ARHGEF38: variants seen among roughly 807,000 people sequenced by gnomAD.
ARHGEF38 encodes Rho guanine nucleotide exchange factor 38.
In ARHGEF38, 79 loss-of-function variants were observed where a neutral mutation model predicts 79.9. The observed-to-expected ratio is 0.99, with a 90% CI of 0.82 to 1.19. ARHGEF38 has a LOEUF of 1.19. Ranked by LOEUF, ARHGEF38 falls within the 50% of genes most tolerant of loss-of-function variation. ARHGEF38 has a pLI of 0.00. For missense variants in ARHGEF38, 962 were observed against 907.2 expected (o/e 1.06, Z -0.78); for synonymous variants, 366 against 328.3 (o/e 1.11, Z -1.24).
At chr4:105,673,954 G>C (rs920984843) in intron 13 of ARHGEF38, among the ~76,000 whole-genome samples, 4 of 152,118 alleles carry the variant, frequency 2.6e-5, no homozygotes, top group African/African-American at 9.7e-5. Context: ...TACATATAAT[G>C]TACCATAAAT....
At chr4:105,647,505 T>C (rs1729899614) in intron 6 of ARHGEF38, among the ~76,000 whole-genome samples, 1 of 152,210 alleles carries the variant, frequency 6.6e-6, no homozygotes, top group African/African-American at 2.4e-5. Flanking sequence ...AATACCTTGC[T>C]GTTAGAAAAA....
At chr4:105,559,798 T>C (rs1057237204) in intron 1 of ARHGEF38, among the ~76,000 whole-genome samples, 1 of 152,082 alleles carries the variant, frequency 6.6e-6, no homozygotes, top group Non-Finnish European at 1.5e-5. Flanking sequence ...CCTTCTTCTA[T>C]ACTAGGTTGT....
At chr4:105,608,462 A>G (rs1370042878) in intron 2 of ARHGEF38, among the ~76,000 whole-genome samples, 3 of 151,848 alleles carry the variant, frequency 2.0e-5, no homozygotes, top group Non-Finnish European at 4.4e-5. Flanking sequence ...TTGTACATAT[A>G]TGCAGGGTAC....
Position 105,648,660 on chromosome 4 carries a change from T to C in ARHGEF38, c.986T>C (p.Ile329Thr), listed in dbSNP as rs1000759140. The change falls in exon 7 of 14, where the codon ATT (isoleucine) becomes ACT (threonine). Residue 329 changes from isoleucine (I) to threonine (T), a missense_variant. Ile to Thr is a moderately conservative substitution (Grantham distance 89). Coordinates refer to ENST00000420470, the MANE Select transcript of ARHGEF38 (RefSeq NM_001242729.2). ...KSKRVTNHLK[I>T]LTRGESQVKD... ...AAAAGAGTGACAAATCATCTGAAGA[T>C]TCTGACCAGAGGAGAATCACAGGTA... 1.3e-6 allele frequency: 2 copies of C among 1,530,368 alleles called. No individual in the cohort carries two copies. Among genetic ancestry groups the C allele is most frequent in the Non-Finnish European group, 1.7e-6 (2 of 1,144,868 alleles). The allele number at this position is 1,530,368 out of a possible 1,614,324, so 94.8% of individuals were successfully genotyped here. A position where few individuals can be genotyped will look rare whatever the true frequency, so the allele number is the denominator to read the frequency against.
chr4:105,607,459 TG>T (rs1288040692), intron 2 of ARHGEF38, among the ~76,000 whole-genome samples: 1 of 152,102 alleles, frequency 6.6e-6, no homozygotes, highest in Admixed American at 6.6e-5. Flanking sequence ...AAACTTTTAC[TG>T]AGTAACTCTG....
At chr4:105,662,466 G>A (rs1409723329) in intron 10 of ARHGEF38, among the ~76,000 whole-genome samples, 1 of 151,922 alleles carries the variant, frequency 6.6e-6, no homozygotes, top group Admixed American at 6.6e-5. Context: ...TCTTATAAAG[G>A]ACTTCCATAT....
At chr4:105,581,878 T>C (rs1294471740) in intron 1 of ARHGEF38, among the ~76,000 whole-genome samples, 1 of 151,990 alleles carries the variant, frequency 6.6e-6, no homozygotes, top group African/African-American at 2.4e-5. Context: ...AATCTCGTAT[T>C]CCTATGGCCG....
chr4:105,643,959 C>T (rs1729729266), intron 5 of ARHGEF38, among the ~76,000 whole-genome samples: 1 of 150,900 alleles, frequency 6.6e-6, no homozygotes, highest in Non-Finnish European at 1.5e-5. Flanking sequence ...CTCGACCTCC[C>T]CAGCTTAAGC....
chr4:105,652,954 A>T (rs985124087), intron 7 of ARHGEF38, among the ~76,000 whole-genome samples: 40 of 152,206 alleles, frequency 2.6e-4, no homozygotes, highest in African/African-American at 9.7e-4. Flanking sequence ...AAAACAGATG[A>T]ACCAAGCACT....
intron 5 of ARHGEF38, among the ~76,000 whole-genome samples, chr4:105,637,782 C>T (rs114340520): frequency 3.9e-4 from 60 of 152,236 alleles, no homozygotes; most frequent in African/African-American, 1.3e-3. Context: ...CTTCTTAGTA[C>T]AATTTGCATG....
At chr4:105,588,933 G>A (rs189257114) in intron 1 of ARHGEF38, among the ~76,000 whole-genome samples, 34 of 152,276 alleles carry the variant, frequency 2.2e-4, no homozygotes, top group Admixed American at 2.0e-3. Context: ...CGGAAGTTGT[G>A]AACTGTTTTT....
chr4:105,666,652 C>T (rs1401897257), intron 11 of ARHGEF38, among the ~76,000 whole-genome samples: 1 of 152,152 alleles, frequency 6.6e-6, no homozygotes, highest in Non-Finnish European at 1.5e-5. Flanking sequence ...CTACATAAGG[C>T]ATACCAGGCC....
intron 1 of ARHGEF38, among the ~76,000 whole-genome samples, chr4:105,587,203 G>A (rs190675337): frequency 1.3e-5 from 2 of 152,272 alleles, no homozygotes; most frequent in East Asian, 3.9e-4. Flanking sequence ...AGTGCTTCGG[G>A]AAGCTCAGGT....
At chr4:105,652,035 T>C (rs1730125828) in intron 7 of ARHGEF38, among the ~76,000 whole-genome samples, 1 of 152,194 alleles carries the variant, frequency 6.6e-6, no homozygotes, top group Non-Finnish European at 1.5e-5. Context: ...CACATCCTAT[T>C]TGCACAAACC....
chr4:105,632,578 A>T (rs1182129695), intron 4 of ARHGEF38: 2 of 152,210 alleles, frequency 1.3e-5, no homozygotes, highest in African/African-American at 2.4e-5. Flanking sequence ...GGGAAAAAAA[A>T]GGAAATGGTG....
intron 2 of ARHGEF38, among the ~76,000 whole-genome samples, chr4:105,596,991 C>A (rs1218889287): frequency 1.3e-5 from 2 of 152,136 alleles, no homozygotes; most frequent in East Asian, 1.9e-4. Flanking sequence ...TCTGAGATGA[C>A]CCTCAGTTCT....
intron 4 of ARHGEF38, among the ~76,000 whole-genome samples, chr4:105,635,444 A>C (rs542543272): frequency 6.6e-6 from 1 of 152,220 alleles, no homozygotes; most frequent in African/African-American, 2.4e-5. Context: ...AATAAATGAA[A>C]TAGAAAAAAA....
intron 4 of ARHGEF38, among the ~76,000 whole-genome samples, chr4:105,635,033 G>T (rs1294941472): frequency 6.6e-6 from 1 of 152,120 alleles, no homozygotes; most frequent in Non-Finnish European, 1.5e-5. Context: ...TCAGTTCCTT[G>T]TTATATGGCA....
intron 2 of ARHGEF38, among the ~76,000 whole-genome samples, chr4:105,602,343 T>A (rs1017511274): frequency 6.6e-6 from 1 of 152,162 alleles, no homozygotes; most frequent in Non-Finnish European, 1.5e-5. Flanking sequence ...TGTAGGCAAC[T>A]GGGAAGAAAC....
Sources: gnomAD v4.1 joint callset for allele counts (sites outside exome capture counted in the v4.1 genomes callset) on GRCh38, gnomAD v4.1.1 for gene constraint, MANE v1.5 for transcripts, NCBI Gene and HGNC (gene_info 2026-07-23, HGNC 2026-07-21) for gene names.